Variants in ERCC6 observed in about 807,000 individuals in gnomAD.
ERCC6 encodes ERCC excision repair 6, chromatin remodeling factor.
Under a neutral mutation model 158.7 loss-of-function variants are expected in ERCC6, and 116 were observed. The observed-to-expected ratio is 0.73, with a 90% CI of 0.63 to 0.85. ERCC6 has a LOEUF of 0.85. Among genes scored for constraint, ERCC6 ranks in the 40% least tolerant of loss-of-function variants. The pLI, the probability that ERCC6 is intolerant of heterozygous loss-of-function variation, is 0.00. For missense variants in ERCC6, 1,698 were observed against 1,799.4 expected (o/e 0.94, Z 1.02); for synonymous variants, 678 against 659.3 (o/e 1.03, Z -0.43).
chr10:49,459,439 T>TA (rs1007428054), intron 20 of ERCC6, among the ~76,000 whole-genome samples: 4 of 150,284 alleles, frequency 2.7e-5, no homozygotes, highest in East Asian at 2.0e-4. Flanking sequence ...GACCGTTTCC[T>TA]AAAAAAAAAT....
At position 49,456,877 on chromosome 10, in the gene ERCC6, C is replaced by G. The variant is rs1380874451; in HGVS notation, c.*1938G>C. 2 of 152,164 alleles carry G rather than the reference C, an allele frequency of 1.3e-5. No individual in the cohort carries two copies. The highest frequency in any genetic ancestry group is 1.3e-4 in the Admixed American group (2 of 15,276). 9.4% of individuals were successfully genotyped at this position (152,164 alleles called of 1,614,324 possible). A position where few individuals can be genotyped will look rare whatever the true frequency, so the allele number is the denominator to read the frequency against. On this transcript the variant is annotated 3_prime_UTR_variant, in exon 21 of 21. Transcript: ENST00000355832. ...GTGTCAGATCTCCACACTGAGACACCACCTTCCCAAGATCATGGTACATCA... is the reference window on the plus strand; with the variant it reads ...GTGTCAGATCTCCACACTGAGACACGACCTTCCCAAGATCATGGTACATCA...
the ERCC6 span, among the ~76,000 whole-genome samples, chr10:49,438,479 C>T: frequency 6.6e-6 from 1 of 152,126 alleles, no homozygotes; most frequent in South Asian, 2.1e-4. Flanking sequence ...CCCCATGATT[C>T]AATTACTTCC....
chr10:49,484,113 TA>T (rs1225190000), intron 8 of ERCC6, among the ~76,000 whole-genome samples: 3 of 150,478 alleles, frequency 2.0e-5, no homozygotes, highest in African/African-American at 2.4e-5. Context: ...AGCCTATCTC[TA>T]AAAAAAAATT....
At chr10:49,466,678 G>T (rs536274977) in intron 18 of ERCC6, among the ~76,000 whole-genome samples, 1 of 152,304 alleles carries the variant, frequency 6.6e-6, no homozygotes, top group African/African-American at 2.4e-5. Context: ...ATGACTGTGT[G>T]TTTTCTAGAA....
intron 18 of ERCC6, among the ~76,000 whole-genome samples, chr10:49,465,640 G>C (rs1850662120): frequency 6.6e-6 from 1 of 152,140 alleles, no homozygotes; most frequent in Admixed American, 6.5e-5. Context: ...TGAATTATGG[G>C]GTTGGGTCTT....
downstream of ERCC6, among the ~76,000 whole-genome samples, chr10:49,451,891 A>G (rs907814226): frequency 2.0e-5 from 3 of 152,150 alleles, no homozygotes; most frequent in Middle Eastern, 3.2e-3. Context: ...CAATTTTCTG[A>G]TTCCTGGTTT....
At chr10:49,480,122 T>A (rs769599897) in intron 10 of ERCC6, among the ~76,000 whole-genome samples, 16 of 152,178 alleles carry the variant, frequency 1.1e-4, no homozygotes, top group Non-Finnish European at 1.9e-4. Context: ...CTGCCCCAGC[T>A]GAGCACACCA....
At chr10:49,446,178 T>C in the ERCC6 span, among the ~76,000 whole-genome samples, 3 of 151,596 alleles carry the variant, frequency 2.0e-5, no homozygotes, top group Non-Finnish European at 2.9e-5. Flanking sequence ...ACCATGCTGG[T>C]GAGAAAGCCC....
rs111950756 is a variant in ERCC6, at chr10:49,482,846, C to A, written c.2010G>T (p.Arg670=). 6.2e-7 allele frequency: 1 copy of A among 1,613,948 alleles called. No individual in the cohort carries two copies. Among genetic ancestry groups the A allele is most frequent in the Non-Finnish European group, 8.5e-7 (1 of 1,179,992 alleles). The change falls in exon 10 of 21, where the codon CGG becomes CGT. Residue 670 remains arginine, a synonymous_variant. Transcript: ENST00000355832. ...GCATCGGTGAGCCAGACAGAATGATCCGATGAGGGGTGCGAAACTATTTGA... is the reference window on the plus strand; with the variant it reads ...GCATCGGTGAGCCAGACAGAATGATACGATGAGGGGTGCGAAACTATTTGA... ...LACKQFRTPH[R]IILSGSPMQN... is the part of the protein sequence containing the mutation.
At chr10:49,462,497 T>TA (rs779092544) in intron 18 of ERCC6, among the ~76,000 whole-genome samples, 2,119 of 150,218 alleles carry the variant, frequency 0.014, 21 homozygotes, top group Non-Finnish European at 0.021. Context: ...GACAATTTTT[T>TA]TAAAAAAAAA....
At chr10:49,469,726 T>G (rs1850738853) in intron 18 of ERCC6, among the ~76,000 whole-genome samples, 1 of 152,188 alleles carries the variant, frequency 6.6e-6, no homozygotes, top group African/African-American at 2.4e-5. Context: ...CTTGAGCAAT[T>G]GTTGAGTCTA....
chr10:49,487,456 G>A (rs1359005831), intron 8 of ERCC6, among the ~76,000 whole-genome samples: 1 of 152,148 alleles, frequency 6.6e-6, no homozygotes, highest in African/African-American at 2.4e-5. Context: ...GCCTTGGGGT[G>A]CACAACGGCC....
chr10:49,469,908 C>G (rs1488876778), intron 18 of ERCC6, among the ~76,000 whole-genome samples: 1 of 152,168 alleles, frequency 6.6e-6, no homozygotes, highest in African/African-American at 2.4e-5. Context: ...TACTAATGTT[C>G]AGGTAGTACA....
intron 11 of ERCC6, among the ~76,000 whole-genome samples, chr10:49,478,058 C>G (rs553333662): frequency 2.8e-4 from 43 of 152,292 alleles, no homozygotes; most frequent in Middle Eastern, 6.8e-3. Context: ...CCTAGGATCA[C>G]GACAGGCATA....
Position 49,472,978 on chromosome 10 carries a change from A to T in ERCC6, c.2760T>A (p.Gly920=). The change falls in exon 15 of 21, where the codon GGT becomes GGA. Residue 920 remains glycine (G), a synonymous_variant. Coordinates refer to ENST00000355832, the MANE Select transcript of ERCC6 (RefSeq NM_000124.4). ...CTCTGTTTGCCCCCGTCAGGTTGACACCTAAGCCGCCCACCCGCGTGGTCA... is the reference window on the plus strand; with the variant it reads ...CTCTGTTTGCCCCCGTCAGGTTGACTCCTAAGCCGCCCACCCGCGTGGTCA... ...FLLTTRVGGL[G]VNLTGANRVV... 6.2e-7 allele frequency: 1 copy of T among 1,614,172 alleles called. No individual in the cohort carries two copies. The highest frequency in any genetic ancestry group is 8.5e-7 in the Non-Finnish European group (1 of 1,180,026).
intron 5 of ERCC6, among the ~76,000 whole-genome samples, chr10:49,522,856 T>C (rs1300261814): frequency 2.0e-5 from 3 of 152,154 alleles, no homozygotes; most frequent in Admixed American, 1.3e-4. Context: ...ATGACAAATA[T>C]AAGCCAGCCC....
Position 49,471,130 on chromosome 10 carries a change from T to C in ERCC6, c.2925-10A>G. ...CTGCTTGAAGATTTGTCTAAAAAAA[T>C]AAAAGATAAGCTGGTATAAAACAAT... On this transcript the variant is annotated splice_polypyrimidine_tract_variant and intron_variant, in intron 16 of 20. Transcript: ENST00000355832. 1 of 1,613,304 alleles carries C rather than the reference T, an allele frequency of 6.2e-7. No homozygotes were observed. The highest frequency in any genetic ancestry group is 1.1e-5 in the South Asian group (1 of 91,056).
chr10:49,506,133 T>A lies in ERCC6; in HGVS notation c.1398-121A>T, dbSNP rs1043554829. The A allele has an allele frequency of 3.7e-6, 4 of 1,094,212 alleles. No individual in the cohort carries two copies. In the African/African-American group the frequency reaches 6.2e-5, roughly 17 times the overall value. 67.8% of individuals were successfully genotyped at this position (1,094,212 alleles called of 1,614,324 possible). ...TTAGAACGGTCTCTTAGGTTAATGC[T>A]GCCATTATTACCCAAAACACTGATA... On this transcript the variant is annotated intron_variant, in intron 5 of 20. Coordinates refer to ENST00000355832, the MANE Select transcript of ERCC6 (RefSeq NM_000124.4).
intron 14 of ERCC6, 152 bp downstream of exon 14, chr10:49,473,325 G>A (rs748906719): frequency 1.1e-5 from 8 of 741,010 alleles, no homozygotes; most frequent in Non-Finnish European, 2.0e-5. Flanking sequence ...CAGAAGTAGG[G>A]CATAGAGTTA....
Sources: gnomAD v4.1 joint callset for allele counts (sites outside exome capture counted in the v4.1 genomes callset) on GRCh38, gnomAD v4.1.1 for gene constraint, MANE v1.5 for transcripts, NCBI Gene and HGNC (gene_info 2026-07-23, HGNC 2026-07-21) for gene names.